The following CDK12 variants were observed in gnomAD, a reference collection of about 807,000 sequenced individuals.
CDK12 encodes the protein cyclin-dependent kinase 12.
In CDK12, 17 loss-of-function variants were observed where a neutral mutation model predicts 133.8. That is an observed-to-expected ratio of 0.13 (90% CI 0.09 to 0.19). The LOEUF (loss-of-function observed/expected upper bound fraction) is 0.19. Among genes scored for constraint, CDK12 ranks in the 10% least tolerant of loss-of-function variants. CDK12 has a pLI of 1.00. For missense variants in CDK12, 1,508 were observed against 1,818.7 expected (o/e 0.83, Z 3.11); for synonymous variants, 694 against 683.6 (o/e 1.02, Z -0.24).
intron 2 of CDK12, among the ~76,000 whole-genome samples, chr17:39,488,629 T>G (rs189976463): frequency 6.6e-6 from 1 of 152,214 alleles, no homozygotes; most frequent in Non-Finnish European, 1.5e-5. Context: ...AGTATTAAAT[T>G]GTTGAGCTCT....
downstream of CDK12, among the ~76,000 whole-genome samples, chr17:39,537,619 G>C (rs1456850836): frequency 1.3e-5 from 2 of 151,456 alleles, no homozygotes; most frequent in Non-Finnish European, 2.9e-5. Flanking sequence ...TTGGAGTGCA[G>C]TGGTGTGATC....
intron 3 of CDK12, among the ~76,000 whole-genome samples, chr17:39,491,728 A>T (rs1167201269): frequency 2.8e-5 from 4 of 142,188 alleles, no homozygotes; most frequent in Non-Finnish European, 6.1e-5. Context: ...TTTGAGACAG[A>T]GTCTCCCTCT....
At position 39,476,711 on chromosome 17, in the gene CDK12, C is replaced by CATTTTTT. The variant is rs1555553398; in HGVS notation, c.1931+4948_1931+4949insATTTTTT. On this transcript the variant is annotated intron_variant, in intron 2 of 13. Coordinates refer to ENST00000447079, the MANE Select transcript of CDK12 (RefSeq NM_016507.4). Reference sequence around the variant, plus strand: ...TACAGGCATGAGCCACCATGCCTGCCTTTTTTTTTTTTTTTTTTTTTTTTT... The same window carrying CATTTTTT: ...TACAGGCATGAGCCACCATGCCTGCCATTTTTTTTTTTTTTTTTTTTTTTTTTTTTTT... Among the ~76,000 whole-genome samples the CATTTTTT allele has an allele frequency of 6.7e-3, 566 of 84,508 alleles. 152 individuals are homozygous for CATTTTTT. The highest frequency in any genetic ancestry group is 0.016 in the Middle Eastern group (2 of 128). 55.4% of individuals were successfully genotyped at this position (84,508 alleles called of 152,430 possible).
intron 3 of CDK12, among the ~76,000 whole-genome samples, chr17:39,558,933 T>C (rs1426704045): frequency 3.9e-5 from 6 of 152,216 alleles, no homozygotes; most frequent in Non-Finnish European, 8.8e-5. Context: ...TGTGAGCCAC[T>C]GCGCCCGGCC....
chr17:39,479,311 A>G (rs1202642781), intron 2 of CDK12, among the ~76,000 whole-genome samples: 2 of 150,812 alleles, frequency 1.3e-5, no homozygotes, highest in African/African-American at 4.9e-5. Flanking sequence ...TCCGTCTGAA[A>G]AAAAAAAAAA....
rs538927859 is a variant in CDK12, at chr17:39,524,832, C to T, written c.3254C>T (p.Ala1085Val). ...GAGCCTGTGAAGAACAGCAGCCCAG[C>T]ACCACCTCAGCCTGCTCCTGGCAAG... is the stretch of plus-strand genomic sequence containing the variant. ...STEPVKNSSP[A>V]PPQPAPGKVE... The change falls in exon 12 of 14, where the codon GCA (alanine) becomes GTA (valine). Residue 1085 changes from alanine (A) to valine (V), a missense_variant. This residue lies in a region of CDK12 where 399 missense variants were observed against 469.6 expected (regional missense o/e 0.85). Transcript: ENST00000447079. 5.6e-6 allele frequency: 9 copies of T among 1,614,214 alleles called. No homozygotes were observed. The South Asian group carries it at 8.8e-5, about 16-fold the overall frequency.
At chr17:39,474,702 C>G (rs2050049220) in intron 2 of CDK12, among the ~76,000 whole-genome samples, 1 of 147,590 alleles carries the variant, frequency 6.8e-6, no homozygotes, top group African/African-American at 2.5e-5. Context: ...AGAGAAGATG[C>G]AAGTACAGTA....
At chr17:39,477,730 G>A (rs1345750883) in intron 2 of CDK12, among the ~76,000 whole-genome samples, 3 of 150,932 alleles carry the variant, frequency 2.0e-5, no homozygotes, top group East Asian at 2.0e-4. Flanking sequence ...CTGCCACCAC[G>A]CCCAGCTAAT....
chr17:39,544,284 C>T (rs1043059844), upstream of CDK12: 6 of 488,156 alleles, frequency 1.2e-5, no homozygotes, highest in African/African-American at 5.9e-5. Context: ...CTGAGGAATG[C>T]AGTGATGTCC....
chr17:39,556,558 A>G (rs2056170941), intron 3 of CDK12: 1 of 152,246 alleles, frequency 6.6e-6, no homozygotes, highest in African/African-American at 2.4e-5. Flanking sequence ...ATGCAGAGAG[A>G]GTAAGTGTAA....
At chr17:39,560,564 C>T (rs1158758557) in intron 3 of CDK12, among the ~76,000 whole-genome samples, 1 of 152,212 alleles carries the variant, frequency 6.6e-6, no homozygotes, top group Non-Finnish European at 1.5e-5. Flanking sequence ...TTTTCCACCA[C>T]AGCTGACTTT....
chr17:39,487,058 A>G (rs2051192246), intron 2 of CDK12, among the ~76,000 whole-genome samples: 1 of 152,178 alleles, frequency 6.6e-6, no homozygotes, highest in Non-Finnish European at 1.5e-5. Flanking sequence ...TTCTGATAAT[A>G]AGTTTTGTTT....
chr17:39,548,659 G>T (rs2055826604), upstream of CDK12, among the ~76,000 whole-genome samples: 1 of 152,164 alleles, frequency 6.6e-6, no homozygotes, highest in Non-Finnish European at 1.5e-5. Flanking sequence ...TACACCCCAG[G>T]ACATTCCAGG....
chr17:39,537,559 T>TTATTTATA (rs1555582213), downstream of CDK12, among the ~76,000 whole-genome samples: 1,308 of 148,930 alleles, frequency 8.8e-3, 17 homozygotes, highest in African/African-American at 0.031. Flanking sequence ...ATTTATTTAT[T>TTATTTATA]TATTTATTTA....
intron 1 of CDK12, among the ~76,000 whole-genome samples, chr17:39,539,937 A>G (rs2055331859): frequency 6.6e-6 from 1 of 152,222 alleles, no homozygotes; most frequent in Admixed American, 6.5e-5. Context: ...GTATTAGGAA[A>G]TGAAGTTGGA....
chr17:39,481,655 T>TCTCTCC (rs2050688418), intron 2 of CDK12, among the ~76,000 whole-genome samples: 2 of 12,204 alleles, frequency 1.6e-4, no homozygotes, highest in African/African-American at 3.7e-4. Context: ...TCTCTCTCTC[T>TCTCTCC]CTCTCTCTCT....
chr17:39,465,251 T>TAA (rs35826660), intron 1 of CDK12, among the ~76,000 whole-genome samples: 6,514 of 121,148 alleles, frequency 0.054, 447 homozygotes, highest in African/African-American at 0.16. Context: ...GACTCAGTCT[T>TAA]AAAAAAAAAA....
chr17:39,537,475 G>A (rs903326052), downstream of CDK12, among the ~76,000 whole-genome samples: 1 of 152,084 alleles, frequency 6.6e-6, no homozygotes, highest in Non-Finnish European at 1.5e-5. Context: ...TGGAAATAAG[G>A]GTAAGAAGGG....
At chr17:39,502,593 G>A (rs1376974058) in intron 6 of CDK12, among the ~76,000 whole-genome samples, 4 of 152,180 alleles carry the variant, frequency 2.6e-5, no homozygotes, top group Admixed American at 1.3e-4. Flanking sequence ...AGGCTCACAT[G>A]CGACGATTGA....
Sources: allele counts gnomAD v4.1 joint callset (sites outside exome capture counted in the v4.1 genomes callset), GRCh38; gene constraint gnomAD v4.1.1; regional missense constraint gnomAD v4.1.1; transcripts MANE v1.5; gene names NCBI Gene and HGNC (gene_info 2026-07-23, HGNC 2026-07-21).